The following KCNQ3 variants were observed in gnomAD, a reference collection of about 807,000 sequenced individuals.
KCNQ3 encodes the protein potassium voltage-gated channel subfamily Q member 3.
KCNQ3 carries 30 observed loss-of-function variants against 92.5 expected under a neutral mutation model. The ratio of observed to expected loss-of-function variants is 0.32; its 90% CI spans 0.24 to 0.44. The LOEUF (loss-of-function observed/expected upper bound fraction) is 0.44. Among genes scored for constraint, KCNQ3 ranks in the 20% least tolerant of loss-of-function variants. The pLI is 1.00. For missense variants in KCNQ3, 913 were observed against 1,140.3 expected (o/e 0.80, Z 2.87); for synonymous variants, 450 against 468.8 (o/e 0.96, Z 0.52).
intron 8 of KCNQ3, among the ~76,000 whole-genome samples, chr8:132,167,461 C>A (rs1011873944): frequency 6.6e-6 from 1 of 152,088 alleles, no homozygotes; most frequent in Non-Finnish European, 1.5e-5. Flanking sequence ...AAATGTATCT[C>A]AAGAAAGTTG....
intron 1 of KCNQ3, among the ~76,000 whole-genome samples, chr8:132,262,468 G>A (rs1042822796): frequency 5.3e-5 from 8 of 152,118 alleles, no homozygotes; most frequent in Non-Finnish European, 8.8e-5. Flanking sequence ...ATAACATCTC[G>A]ATGAAGGTGT....
intron 1 of KCNQ3, among the ~76,000 whole-genome samples, chr8:132,202,929 T>C (rs1398184660): frequency 7.9e-5 from 12 of 151,994 alleles, no homozygotes; most frequent in Admixed American, 6.5e-5. Context: ...TTTTCTGTCT[T>C]TGTTTTGTTT....
At chr8:132,292,848 A>G (rs1816897168) in intron 1 of KCNQ3, among the ~76,000 whole-genome samples, 2 of 152,202 alleles carry the variant, frequency 1.3e-5, no homozygotes, top group African/African-American at 4.8e-5. Flanking sequence ...TGTGGATCAG[A>G]AGACCCTAAT....
intron 1 of KCNQ3, among the ~76,000 whole-genome samples, chr8:132,437,443 C>T (rs1028576757): frequency 1.3e-5 from 2 of 152,160 alleles, no homozygotes; most frequent in Non-Finnish European, 2.9e-5. Context: ...GCCTCCCTTG[C>T]AGGTGAACAT....
At position 132,170,324 on chromosome 8, in the gene KCNQ3, C is replaced by T. The variant is rs772688326; in HGVS notation, c.1235+10G>A. 4.4e-6 allele frequency: 7 copies of T among 1,600,612 alleles called. No individual in the cohort carries two copies. The East Asian group carries it at 1.6e-4, about 36-fold the overall frequency. ...TCACGCCCTGAGCATTCAGGTGAGTCCCCACTTGCCTGAAGAAAGGAAAAG... is the reference window on the plus strand; with the variant it reads ...TCACGCCCTGAGCATTCAGGTGAGTTCCCACTTGCCTGAAGAAAGGAAAAG... On this transcript the variant is annotated intron_variant, in intron 8 of 14. Coordinates refer to ENST00000388996, the MANE Select transcript of KCNQ3 (RefSeq NM_004519.4).
chr8:132,337,419 C>A (rs972484232), intron 1 of KCNQ3, among the ~76,000 whole-genome samples: 2 of 152,050 alleles, frequency 1.3e-5, no homozygotes, highest in Admixed American at 1.3e-4. Flanking sequence ...ATTGCTTGAG[C>A]CCAAGGAGGT....
chr8:132,349,326 G>A (rs988441604), intron 1 of KCNQ3, among the ~76,000 whole-genome samples: 2 of 152,168 alleles, frequency 1.3e-5, no homozygotes, highest in Admixed American at 6.5e-5. Context: ...TCTAACGAGC[G>A]ACTTCCAAAT....
intron 1 of KCNQ3, among the ~76,000 whole-genome samples, chr8:132,243,121 C>G (rs1374957822): frequency 6.6e-6 from 1 of 152,192 alleles, no homozygotes; most frequent in Non-Finnish European, 1.5e-5. Flanking sequence ...AGAAAGAGAA[C>G]TATCTGATTA....
intron 1 of KCNQ3, among the ~76,000 whole-genome samples, chr8:132,390,536 G>C (rs1420723158): frequency 1.3e-5 from 2 of 152,208 alleles, no homozygotes; most frequent in Non-Finnish European, 2.9e-5. Context: ...GGATCTTTGA[G>C]AGCAGGGTGT....
At chr8:132,250,570 C>G (rs1370680352) in intron 1 of KCNQ3, among the ~76,000 whole-genome samples, 2 of 152,058 alleles carry the variant, frequency 1.3e-5, no homozygotes, top group Non-Finnish European at 2.9e-5. Context: ...AATACAGAGT[C>G]GAATTTTGTG....
intron 1 of KCNQ3, among the ~76,000 whole-genome samples, chr8:132,212,504 C>G (rs1813892181): frequency 6.6e-6 from 1 of 152,090 alleles, no homozygotes; most frequent in South Asian, 2.1e-4. Context: ...GACTGACTTT[C>G]AAGCATCTTT....
At chr8:132,161,304 G>C (rs1825979239) in intron 9 of KCNQ3, among the ~76,000 whole-genome samples, 1 of 152,176 alleles carries the variant, frequency 6.6e-6, no homozygotes, top group African/African-American at 2.4e-5. Context: ...GAGGCGATAA[G>C]ATAAACTCCA....
At chr8:132,170,693 T>C (rs1826305149) in intron 7 of KCNQ3, among the ~76,000 whole-genome samples, 1 of 150,020 alleles carries the variant, frequency 6.7e-6, no homozygotes, top group Non-Finnish European at 1.5e-5. Context: ...GAGAAGAGAG[T>C]AGTAGGCATA....
At chr8:132,141,835 T>C (rs1825306749) in intron 9 of KCNQ3, among the ~76,000 whole-genome samples, 1 of 152,190 alleles carries the variant, frequency 6.6e-6, no homozygotes, top group Non-Finnish European at 1.5e-5. Context: ...TGGATAGAAT[T>C]TGGCAGTCCG....
rs1233986231 is a variant in KCNQ3, at chr8:132,480,198, T to C, written c.335A>G (p.Tyr112Cys). ...AKYRRIQTLI[Y>C]DALERPRGWA... ...GCCCCGCGGTCTCTCCAGGGCGTCGTAGATCAAAGTTTGGATGCGCCGGTA... is the reference window on the plus strand; with the variant it reads ...GCCCCGCGGTCTCTCCAGGGCGTCGCAGATCAAAGTTTGGATGCGCCGGTA... The change falls in exon 1 of 15, where the codon TAC (tyrosine) becomes TGC (cysteine). Residue 112 changes from tyrosine (Y) to cysteine (C), a missense_variant. By Grantham distance (194) the Tyr-to-Cys change is radical. Coordinates refer to ENST00000388996, the MANE Select transcript of KCNQ3 (RefSeq NM_004519.4). 8 of 1,613,028 alleles carry C rather than the reference T, an allele frequency of 5.0e-6. No homozygotes were observed. Among genetic ancestry groups the C allele is most frequent in the Non-Finnish European group, 5.1e-6 (6 of 1,179,474 alleles).
At chr8:132,190,210 T>G (rs1031593275) in intron 1 of KCNQ3, among the ~76,000 whole-genome samples, 1 of 152,172 alleles carries the variant, frequency 6.6e-6, no homozygotes, top group Non-Finnish European at 1.5e-5. Context: ...ATATGAAAGA[T>G]TCAAGTTGTG....
At chr8:132,461,695 G>A (rs925932190) in intron 1 of KCNQ3, among the ~76,000 whole-genome samples, 2 of 152,130 alleles carry the variant, frequency 1.3e-5, no homozygotes, top group Admixed American at 1.3e-4. Flanking sequence ...CATTGTCCTC[G>A]CTTTGGATTT....
chr8:132,179,332 G>C (rs6996455), intron 4 of KCNQ3, among the ~76,000 whole-genome samples: 57,195 of 151,528 alleles, frequency 0.38, 11,367 homozygotes, highest in East Asian at 0.49. Flanking sequence ...CCTGGATTCT[G>C]ATCTACCTGG....
At position 132,181,673 on chromosome 8, in the gene KCNQ3, T is replaced by C. The variant is rs554457774; in HGVS notation, c.605-1344A>G. On this transcript the variant is annotated intron_variant, in intron 3 of 14. Coordinates refer to ENST00000388996, the MANE Select transcript of KCNQ3 (RefSeq NM_004519.4). ...ATCTGCCAGAAGCCTGTGTAGCTCA[T>C]TGAGCACACATCTCCATATCTTTGT... Among the ~76,000 whole-genome samples the C allele has an allele frequency of 4.5e-4, 69 of 152,294 alleles. No individual in the cohort carries two copies. The South Asian group carries it at 5.6e-3, about 12-fold the overall frequency.
Sources: allele counts gnomAD v4.1 joint callset (sites outside exome capture counted in the v4.1 genomes callset), GRCh38; gene constraint gnomAD v4.1.1; transcripts MANE v1.5; gene names NCBI Gene and HGNC (gene_info 2026-07-23, HGNC 2026-07-21).